Variants in MITF observed in about 807,000 individuals in gnomAD.
The protein encoded by MITF is microphthalmia-associated transcription factor.
In MITF, 17 loss-of-function variants were observed where a neutral mutation model predicts 60.5. The observed-to-expected ratio is 0.28, with a 90% CI of 0.19 to 0.42. MITF has a LOEUF of 0.42. MITF is among the 10% of genes least tolerant of loss of function. MITF has a pLI of 1.00. For missense variants in MITF, 622 were observed against 683.5 expected (o/e 0.91, Z 1.00); for synonymous variants, 260 against 248.5 (o/e 1.05, Z -0.43).
At chr3:69,924,692 C>T (rs2065546585) in intron 2 of MITF, among the ~76,000 whole-genome samples, 2 of 152,264 alleles carry the variant, frequency 1.3e-5, no homozygotes, top group Middle Eastern at 3.4e-3. Context: ...GTTTGTTCAA[C>T]CTCTCCCCAG....
chr3:69,809,271 T>C lies in MITF; in HGVS notation c.104+69570T>C, dbSNP rs542724799. Among the ~76,000 whole-genome samples the C allele has an allele frequency of 7.6e-4, 116 of 152,250 alleles. 1 individual carries two copies. The highest frequency in any genetic ancestry group is 2.2e-4 in the Non-Finnish European group (15 of 68,020). On this transcript the variant is annotated intron_variant, in intron 1 of 9. Transcript: ENST00000352241. ...GGGAGAGTACAGAGTTTTAAGTTGTTAGGCAAGAGTTGAACTGTAGCATGA... is the reference window on the plus strand; with the variant it reads ...GGGAGAGTACAGAGTTTTAAGTTGTCAGGCAAGAGTTGAACTGTAGCATGA...
At chr3:69,769,183 G>T (rs1436717387) in intron 1 of MITF, among the ~76,000 whole-genome samples, 1 of 151,906 alleles carries the variant, frequency 6.6e-6, no homozygotes, top group African/African-American at 2.4e-5. Context: ...TTATATCTTG[G>T]ATTTCTTATC....
chr3:69,815,074 C>A (rs1222789716), intron 1 of MITF, among the ~76,000 whole-genome samples: 1 of 152,224 alleles, frequency 6.6e-6, no homozygotes, highest in East Asian at 1.9e-4. Flanking sequence ...TACAGTGGGG[C>A]CCAGGGCCTC....
intron 1 of MITF, among the ~76,000 whole-genome samples, chr3:69,751,405 A>G (rs776102148): frequency 1.3e-5 from 2 of 152,106 alleles, no homozygotes; most frequent in Non-Finnish European, 2.9e-5. Context: ...CAAGCTGTTC[A>G]CTTCTCTGAT....
chr3:69,947,011 T>C (rs1324517829), intron 5 of MITF, among the ~76,000 whole-genome samples: 2 of 152,158 alleles, frequency 1.3e-5, no homozygotes, highest in African/African-American at 2.4e-5. Context: ...TTAGAAAATA[T>C]GTTCTTGTCC....
intron 1 of MITF, among the ~76,000 whole-genome samples, chr3:69,861,215 G>A (rs1327376703): frequency 1.3e-5 from 2 of 152,128 alleles, no homozygotes; most frequent in African/African-American, 4.8e-5. Flanking sequence ...ATACTTCATA[G>A]ATCCTTCCTT....
chr3:69,867,145 A>G lies in MITF; in HGVS notation c.105-11989A>G, dbSNP rs554018976. On this transcript the variant is annotated intron_variant, in intron 1 of 9. Coordinates refer to ENST00000352241, the MANE Select transcript of MITF (RefSeq NM_001354604.2). ...AGTGAATAGGCATTCAAGCAAATCA[A>G]CTTATGCAAAAGCTACCTCTGGAGC... Among the ~76,000 whole-genome samples, 9 of 152,316 alleles carry G rather than the reference A, an allele frequency of 5.9e-5. No individual in the cohort carries two copies. In the East Asian group the frequency reaches 1.4e-3, roughly 23 times the overall value.
intron 2 of MITF, among the ~76,000 whole-genome samples, chr3:69,915,396 A>G (rs17006601): frequency 0.016 from 2,372 of 152,200 alleles, 29 homozygotes; most frequent in Middle Eastern, 0.051. Flanking sequence ...CATAATAAAA[A>G]TGAATCATAC....
intron 2 of MITF, among the ~76,000 whole-genome samples, chr3:69,881,700 G>C (rs1423599869): frequency 6.6e-6 from 1 of 151,458 alleles, no homozygotes; most frequent in Admixed American, 6.6e-5. Context: ...TGAAGTAAGT[G>C]GTTAATAGCA....
In MITF at chr3:69,898,063, A is replaced by T. The variant is rs981370668; in HGVS notation, c.354+18680A>T. ...AACTCACTGCTAACAGGGAAGACAC[A>T]TGTTAATTAAATAATCACAGAAATG... is the stretch of plus-strand genomic sequence containing the variant. On this transcript the variant is annotated intron_variant, in intron 2 of 9. Coordinates refer to ENST00000352241, the MANE Select transcript of MITF (RefSeq NM_001354604.2). Among the ~76,000 whole-genome samples, 7 of 152,356 alleles carry T rather than the reference A, an allele frequency of 4.6e-5. No homozygotes were observed. The East Asian group carries it at 1.3e-3, about 29-fold the overall frequency.
chr3:69,808,435 CG>C (rs1454559640), intron 1 of MITF, among the ~76,000 whole-genome samples: 1 of 151,950 alleles, frequency 6.6e-6, no homozygotes. Context: ...TTGCAGGCAA[CG>C]GGGGAGACAT....
intron 1 of MITF, among the ~76,000 whole-genome samples, chr3:69,763,057 CA>C (rs1164068674): frequency 1.3e-5 from 2 of 152,152 alleles, no homozygotes; most frequent in African/African-American, 2.4e-5. Context: ...GATGTCAGAA[CA>C]GGGGGCATAA....
At chr3:69,906,957 C>G (rs1360579337) in intron 2 of MITF, among the ~76,000 whole-genome samples, 3 of 152,084 alleles carry the variant, frequency 2.0e-5, no homozygotes, top group African/African-American at 7.2e-5. Context: ...ATATGCTGGT[C>G]ACTCTGCTAA....
Position 69,810,873 on chromosome 3 carries a change from A to G in MITF, c.105-68261A>G, listed in dbSNP as rs113270204. Reference sequence around the variant, plus strand: ...TTACCTAATATTTGTAAAATGCATGATAGATGATCAATAAATCATAGCTCT... The same window carrying G: ...TTACCTAATATTTGTAAAATGCATGGTAGATGATCAATAAATCATAGCTCT... On this transcript the variant is annotated intron_variant, in intron 1 of 9. Coordinates refer to ENST00000352241, the MANE Select transcript of MITF (RefSeq NM_001354604.2). 3.8e-3 allele frequency among the ~76,000 whole-genome samples: 585 copies of G among 152,350 alleles called. 6 individuals are homozygous for G. Among genetic ancestry groups the G allele is most frequent in the African/African-American group, 0.013 (544 of 41,586 alleles).
chr3:69,846,831 A>G (rs562146915), intron 1 of MITF, among the ~76,000 whole-genome samples: 70 of 152,014 alleles, frequency 4.6e-4, no homozygotes, highest in African/African-American at 1.7e-3. Flanking sequence ...AAAAAAAAAA[A>G]AAAAAGGAAT....
At position 69,938,261 on chromosome 3, in the gene MITF, C is replaced by G. The variant is rs1436848571; in HGVS notation, c.582+212C>G. On this transcript the variant is annotated intron_variant, in intron 3 of 9. Coordinates refer to ENST00000352241, the MANE Select transcript of MITF (RefSeq NM_001354604.2). ...TAGAGCACATGACGGGAGACCTGGC[C>G]CTCTCCAAGTGAAATGTGGAGGCGA... The G allele has an allele frequency of 4.9e-6, 6 of 1,235,208 alleles. No individual in the cohort carries two copies. In the African/African-American group the frequency reaches 9.0e-5, roughly 18 times the overall value. 76.5% of individuals were successfully genotyped at this position (1,235,208 alleles called of 1,614,324 possible). A position where few individuals can be genotyped will look rare whatever the true frequency, so the allele number is the denominator to read the frequency against.
chr3:69,893,492 C>T (rs186766917), intron 2 of MITF, among the ~76,000 whole-genome samples: 1 of 152,196 alleles, frequency 6.6e-6, no homozygotes, highest in East Asian at 1.9e-4. Context: ...GAGTAAGTGA[C>T]ATGATGCTTG....
At chr3:69,954,885 A>G (rs767297630) in intron 7 of MITF, among the ~76,000 whole-genome samples, 3 of 152,250 alleles carry the variant, frequency 2.0e-5, no homozygotes, top group Non-Finnish European at 2.9e-5. Flanking sequence ...ATCTAGGTGT[A>G]CAGACTATTA....
rs372775318 is a variant in MITF at position 69,755,049 on chromosome 3, G to A, written c.104+15348G>A. On this transcript the variant is annotated intron_variant, in intron 1 of 9. Coordinates refer to ENST00000352241, the MANE Select transcript of MITF (RefSeq NM_001354604.2). The stretch of plus-strand genomic sequence containing the variant: ...GAGTTGATACAGGTCAAATAGTGGT[G>A]AAAGGTGGGATGCCTAACAGGAAGA... Among the ~76,000 whole-genome samples, 54 of 152,292 alleles carry A rather than the reference G, an allele frequency of 3.5e-4. 1 individual carries two copies. The East Asian group carries it at 9.6e-3, about 27-fold the overall frequency.
Sources: allele counts gnomAD v4.1 joint callset (sites outside exome capture counted in the v4.1 genomes callset), GRCh38; gene constraint gnomAD v4.1.1; transcripts MANE v1.5; gene names NCBI Gene and HGNC (gene_info 2026-07-23, HGNC 2026-07-21).